SUGCT: variants seen among roughly 807,000 people sequenced by gnomAD.
SUGCT encodes the protein succinyl-CoA:glutarate-CoA transferase.
A neutral mutation model predicts 55.0 loss-of-function variants in SUGCT; 41 were observed. The observed-to-expected ratio is 0.74, with a 90% CI of 0.58 to 0.97. The LOEUF is 0.97. Ranked by LOEUF, SUGCT falls within the 50% of genes least tolerant of loss-of-function variation. The pLI is 0.00. For missense variants in SUGCT, 568 were observed against 547.8 expected (o/e 1.04, Z -0.37); for synonymous variants, 187 against 200.4 (o/e 0.93, Z 0.56).
chr7:40,779,291 A>G (rs1191218934), intron 13 of SUGCT, among the ~76,000 whole-genome samples: 1 of 152,202 alleles, frequency 6.6e-6, no homozygotes, highest in Admixed American at 6.5e-5. Flanking sequence ...CTCTTGCTAT[A>G]AGATTGGAGG....
chr7:40,961,752 T>A, the SUGCT span, among the ~76,000 whole-genome samples: 1 of 152,118 alleles, frequency 6.6e-6, no homozygotes, highest in African/African-American at 2.4e-5. Flanking sequence ...AGTGGGTTCG[T>A]GGTCTCGCTG....
At chr7:40,939,144 A>T in the SUGCT span, among the ~76,000 whole-genome samples, 1 of 152,294 alleles carries the variant, frequency 6.6e-6, no homozygotes, top group Non-Finnish European at 1.5e-5. Flanking sequence ...CCTCACAATT[A>T]TGGAGGAAGG....
At chr7:40,449,001 G>T (rs1038361028) in intron 9 of SUGCT, among the ~76,000 whole-genome samples, 4 of 150,188 alleles carry the variant, frequency 2.7e-5, no homozygotes, top group Admixed American at 6.6e-5. Flanking sequence ...GAGAGAGAGA[G>T]ATCTATTCTG....
At chr7:40,575,919 G>C (rs1796721527) in intron 12 of SUGCT, among the ~76,000 whole-genome samples, 1 of 147,642 alleles carries the variant, frequency 6.8e-6, no homozygotes. Context: ...ACTCCAGCCT[G>C]AGTGACAGAG....
chr7:41,019,607 C>A, the SUGCT span, among the ~76,000 whole-genome samples: 2 of 152,158 alleles, frequency 1.3e-5, no homozygotes, highest in Admixed American at 1.3e-4. Flanking sequence ...AATTACCATA[C>A]TTGGGTTGGG....
chr7:40,844,712 C>T (rs1416823003), intron 13 of SUGCT, among the ~76,000 whole-genome samples: 3 of 152,194 alleles, frequency 2.0e-5, no homozygotes, highest in Admixed American at 6.5e-5. Context: ...GTGGGGCCCT[C>T]GCCAGGGACC....
At chr7:40,223,039 T>A (rs13232072) in intron 6 of SUGCT, among the ~76,000 whole-genome samples, 97 of 133,448 alleles carry the variant, frequency 7.3e-4, no homozygotes, top group East Asian at 5.1e-3. Flanking sequence ...CCTTCCTTCC[T>A]TCCATCCATC....
intron 13 of SUGCT, among the ~76,000 whole-genome samples, chr7:40,838,009 A>G (rs756534035): frequency 5.3e-5 from 8 of 152,150 alleles, no homozygotes; most frequent in African/African-American, 1.2e-4. Flanking sequence ...TGAAAAAACT[A>G]TCTTTCCTCT....
At position 40,308,973 on chromosome 7, in the gene SUGCT, C is replaced by G. The variant is rs2151093262; in HGVS notation, c.721-7787C>G. Among the ~76,000 whole-genome samples, 3 of 152,290 alleles carry G rather than the reference C, an allele frequency of 2.0e-5. No homozygotes were observed. In the South Asian group the frequency reaches 6.2e-4, roughly 32 times the overall value. On this transcript the variant is annotated intron_variant, in intron 8 of 13. Transcript: ENST00000335693. ...TGCAATGAGAGATTGTGCCACTGCA[C>G]TGCAGCCTGGGCAACAGAGTTAGAC...
chr7:40,721,794 T>A (rs146007534), intron 12 of SUGCT, among the ~76,000 whole-genome samples: 240 of 152,346 alleles, frequency 1.6e-3, no homozygotes, highest in African/African-American at 5.6e-3. Flanking sequence ...TAAAGTTTCT[T>A]CTATCTCTGT....
intron 12 of SUGCT, among the ~76,000 whole-genome samples, chr7:40,616,361 A>G (rs901412867): frequency 6.6e-6 from 1 of 151,734 alleles, no homozygotes; most frequent in Non-Finnish European, 1.5e-5. Flanking sequence ...ACGCCCAACT[A>G]ATTTTTGTGT....
the SUGCT span, among the ~76,000 whole-genome samples, chr7:40,900,797 A>G: frequency 6.6e-6 from 1 of 152,242 alleles, no homozygotes; most frequent in African/African-American, 2.4e-5. Flanking sequence ...GTGAAAGGGA[A>G]AACCTTGGAA....
the SUGCT span, among the ~76,000 whole-genome samples, chr7:40,927,976 T>C: frequency 6.6e-6 from 1 of 152,180 alleles, no homozygotes; most frequent in Non-Finnish European, 1.5e-5. Flanking sequence ...TTCATTTTCT[T>C]CTGGAATCTA....
At chr7:40,581,123 C>T (rs576130596) in intron 12 of SUGCT, among the ~76,000 whole-genome samples, 7 of 152,208 alleles carry the variant, frequency 4.6e-5, no homozygotes, top group Admixed American at 2.6e-4. Context: ...ATCATTAATT[C>T]GATACATATT....
chr7:40,782,252 T>G (rs1186929429), intron 13 of SUGCT, among the ~76,000 whole-genome samples: 1 of 152,142 alleles, frequency 6.6e-6, no homozygotes, highest in Non-Finnish European at 1.5e-5. Flanking sequence ...ACAGTCATAT[T>G]ATATTCTGTT....
rs557271552 is a variant in SUGCT at position 40,509,122 on chromosome 7, G to A, written c.1089+12736G>A. The stretch of plus-strand genomic sequence containing the variant: ...GACTAACAAAGTCCGTTGATTTCTA[G>A]TATCTTTCATAGGGCTTAGGAATTG... On this transcript the variant is annotated intron_variant, in intron 12 of 13. Coordinates refer to ENST00000335693, the MANE Select transcript of SUGCT (RefSeq NM_001193313.2). Among the ~76,000 whole-genome samples the A allele has an allele frequency of 5.3e-5, 8 of 152,284 alleles. 1 individual carries two copies. In the South Asian group the frequency reaches 1.7e-3, roughly 32 times the overall value.
Position 40,376,260 on chromosome 7 carries a change from G to A in SUGCT, c.816+59405G>A, listed in dbSNP as rs557235875. On this transcript the variant is annotated intron_variant, in intron 9 of 13. Coordinates refer to ENST00000335693, the MANE Select transcript of SUGCT (RefSeq NM_001193313.2). ...ATGTCTTTTTGCAAATTTTATGTAT[G>A]TATCTATGTATATAGCATTAATGTA... Among the ~76,000 whole-genome samples, 37 of 152,016 alleles carry A rather than the reference G, an allele frequency of 2.4e-4. 1 individual carries two copies. The highest frequency in any genetic ancestry group is 3.8e-4 in the Non-Finnish European group (26 of 67,980).
chr7:40,241,659 T>C (rs1218353469), intron 7 of SUGCT, among the ~76,000 whole-genome samples: 1 of 150,540 alleles, frequency 6.6e-6, no homozygotes, highest in Non-Finnish European at 1.5e-5. Flanking sequence ...TTGTGGCTCA[T>C]GCCTGTAATT....
intron 9 of SUGCT, among the ~76,000 whole-genome samples, chr7:40,384,996 A>G (rs562241714): frequency 3.1e-4 from 47 of 152,324 alleles, no homozygotes; most frequent in Non-Finnish European, 6.3e-4. Flanking sequence ...GGCAAGACAC[A>G]TTAAACAAGT....
Sources: gnomAD v4.1 joint callset for allele counts (sites outside exome capture counted in the v4.1 genomes callset) on GRCh38, gnomAD v4.1.1 for gene constraint, MANE v1.5 for transcripts, NCBI Gene and HGNC (gene_info 2026-07-23, HGNC 2026-07-21) for gene names.